The following RECQL variants were observed in gnomAD, a reference collection of about 807,000 sequenced individuals.
RECQL encodes the protein RecQ like helicase.
A neutral mutation model predicts 75.8 loss-of-function variants in RECQL; 73 were observed. That is an observed-to-expected ratio of 0.96 (90% confidence interval 0.80 to 1.17). The LOEUF is 1.17. Ranked by LOEUF, RECQL falls within the 50% of genes most tolerant of loss-of-function variation. The pLI, the probability that RECQL is intolerant of heterozygous loss-of-function variation, is 0.00. For synonymous variants in RECQL, 248 were observed against 254.4 expected (o/e 0.97, Z 0.24); for missense variants, 699 against 772.1 (o/e 0.91, Z 1.12).
At chr12:21,500,816 T>A (rs1156329097) in intron 1 of RECQL, among the ~76,000 whole-genome samples, 2 of 152,194 alleles carry the variant, frequency 1.3e-5, no homozygotes, top group Admixed American at 1.3e-4. Flanking sequence ...ACAGTCTATA[T>A]CCAATTCTCC....
chr12:21,495,608 G>A (rs1943492774), intron 2 of RECQL, among the ~76,000 whole-genome samples: 1 of 151,920 alleles, frequency 6.6e-6, no homozygotes, highest in Admixed American at 6.6e-5. Flanking sequence ...AAAAAAGAAA[G>A]AAAAAGAGAA....
At chr12:21,485,414 A>C (rs1943274385) in intron 5 of RECQL, among the ~76,000 whole-genome samples, 1 of 151,926 alleles carries the variant, frequency 6.6e-6, no homozygotes. Flanking sequence ...AAAATGTAGA[A>C]AGATACAGGA....
rs371074434 is a variant in RECQL at position 21,489,060 on chromosome 12, G to A, written c.394+1139C>T. 3.9e-5 allele frequency among the ~76,000 whole-genome samples: 6 copies of A among 152,316 alleles called. 1 individual carries two copies. Among genetic ancestry groups the A allele is most frequent in the African/African-American group, 2.4e-5 (1 of 41,574 alleles). On this transcript the variant is annotated intron_variant, in intron 4 of 14. Coordinates refer to ENST00000444129, the MANE Select transcript of RECQL (RefSeq NM_002907.4). The stretch of plus-strand genomic sequence containing the variant: ...GCTTAAATGCCACTTCCTCAGAACA[G>A]CTTTCCCTGACAGCCCCTAGACCAG...
intron 5 of RECQL, among the ~76,000 whole-genome samples, chr12:21,485,547 T>A (rs1468120480): frequency 5.6e-4 from 85 of 151,856 alleles, no homozygotes; most frequent in African/African-American, 1.9e-3. Flanking sequence ...TATATTTTTT[T>A]TTAAAAAAAA....
intron 6 of RECQL, 139 bp from the exon 7 acceptor site, chr12:21,478,108 G>A (rs1347177525): frequency 1.4e-6 from 1 of 723,322 alleles, no homozygotes; most frequent in Non-Finnish European, 2.1e-6. Flanking sequence ...TTGCAGTTCT[G>A]TGTTAGCCTC....
At chr12:21,487,132 T>C (rs1337249678) in intron 4 of RECQL, among the ~76,000 whole-genome samples, 4 of 152,150 alleles carry the variant, frequency 2.6e-5, no homozygotes, top group South Asian at 2.1e-4. Flanking sequence ...CAGAACTCTA[T>C]CCTTATAAAA....
At chr12:21,484,874 T>C (rs1011965550) in intron 5 of RECQL, among the ~76,000 whole-genome samples, 10 of 151,722 alleles carry the variant, frequency 6.6e-5, no homozygotes, top group African/African-American at 9.7e-5. Context: ...TGGAGAATGC[T>C]AGAAAACCAA....
intron 10 of RECQL, 140 bp from the exon 11 acceptor site, chr12:21,475,119 G>C: frequency 1.3e-6 from 1 of 772,372 alleles, no homozygotes; most frequent in South Asian, 2.1e-5. Context: ...ATTTGTAATG[G>C]GTACCCTCAA....
At chr12:21,473,282 TACTC>T (rs1259666921) in intron 12 of RECQL, among the ~76,000 whole-genome samples, 1 of 152,110 alleles carries the variant, frequency 6.6e-6, no homozygotes, top group Non-Finnish European at 1.5e-5. Context: ...TTACTGTACT[TACTC>T]TATGTTTAGA....
intron 6 of RECQL, 100 bp downstream of exon 6, chr12:21,483,276 T>C: frequency 2.4e-6 from 2 of 827,268 alleles, no homozygotes; most frequent in South Asian, 1.6e-5. Flanking sequence ...GTGTAACTAC[T>C]TGAGGATGAT....
intron 4 of RECQL, among the ~76,000 whole-genome samples, chr12:21,487,351 T>C (rs1192280959): frequency 6.6e-6 from 1 of 152,216 alleles, no homozygotes; most frequent in Non-Finnish European, 1.5e-5. Flanking sequence ...AAGCATTCTT[T>C]TACTTTTTGT....
chr12:21,478,004 C>T, intron 6 of RECQL, 35 bp from the exon 7 acceptor site: 1 of 1,564,480 alleles, frequency 6.4e-7, no homozygotes, highest in South Asian at 1.2e-5. Flanking sequence ...TTTTTCTATC[C>T]TTTAAGAGTT....
intron 12 of RECQL, among the ~76,000 whole-genome samples, chr12:21,473,218 A>G (rs11611002): frequency 6.6e-6 from 1 of 151,890 alleles, no homozygotes; most frequent in African/African-American, 2.4e-5. Flanking sequence ...ATAATACCAT[A>G]TATTTTTTTT....
At chr12:21,500,013 T>G (rs963980675) in intron 1 of RECQL, among the ~76,000 whole-genome samples, 23 of 152,074 alleles carry the variant, frequency 1.5e-4, no homozygotes, top group African/African-American at 5.5e-4. Flanking sequence ...TTAGGCAAAG[T>G]TGCATATGCT....
chr12:21,490,196 T>C lies in RECQL; in HGVS notation c.394+3A>G. The stretch of plus-strand genomic sequence containing the variant: ...ACTCAAAATTAATTTTTTTAGTACA[T>C]ACCATCTGAACATAATGCTGGTAAC... On this transcript the variant is annotated splice_donor_region_variant and intron_variant, in intron 4 of 14. Transcript: ENST00000444129. The C allele has an allele frequency of 1.3e-6, 2 of 1,592,694 alleles. No individual in the cohort carries two copies. Among genetic ancestry groups the C allele is most frequent in the Non-Finnish European group, 1.7e-6 (2 of 1,165,294 alleles).
chr12:21,494,409 A>C (rs931217929), intron 2 of RECQL, among the ~76,000 whole-genome samples: 3 of 152,228 alleles, frequency 2.0e-5, no homozygotes, highest in Non-Finnish European at 2.9e-5. Context: ...TTTATGGAAT[A>C]CAATGTCGAA....
At chr12:21,493,109 C>T (rs979543954) in intron 2 of RECQL, among the ~76,000 whole-genome samples, 1 of 152,168 alleles carries the variant, frequency 6.6e-6, no homozygotes, top group Admixed American at 6.5e-5. Context: ...CTAACCAATA[C>T]AGAATTTTGA....
At chr12:21,474,615 CA>C (rs1943046049) in intron 11 of RECQL, among the ~76,000 whole-genome samples, 1 of 152,016 alleles carries the variant, frequency 6.6e-6, no homozygotes, top group Non-Finnish European at 1.5e-5. Context: ...CAAAAACCTT[CA>C]ATTAAAAAAG....
chr12:21,494,012 G>T (rs1253420102), intron 2 of RECQL, among the ~76,000 whole-genome samples: 2 of 152,174 alleles, frequency 1.3e-5, no homozygotes, highest in Non-Finnish European at 2.9e-5. Flanking sequence ...TTTGCTTATG[G>T]TTCTGTAGGC....
Sources: allele counts gnomAD v4.1 joint callset (sites outside exome capture counted in the v4.1 genomes callset), GRCh38; gene constraint gnomAD v4.1.1; transcripts MANE v1.5; gene names NCBI Gene and HGNC (gene_info 2026-07-23, HGNC 2026-07-21).